The following HELLS variants were observed in gnomAD, a reference collection of about 807,000 sequenced individuals.
The protein encoded by HELLS is helicase, lymphoid specific.
A neutral mutation model predicts 120.0 loss-of-function variants in HELLS; 32 were observed. That is an observed-to-expected ratio of 0.27 (90% CI 0.20 to 0.36). The LOEUF (loss-of-function observed/expected upper bound fraction) is 0.36. Among genes scored for constraint, HELLS ranks in the 10% least tolerant of loss-of-function variants. HELLS has a pLI of 1.00. For missense variants in HELLS, 650 were observed against 993.4 expected (o/e 0.65, Z 4.65); for synonymous variants, 341 against 323.4 (o/e 1.05, Z -0.58).
chr10:94,571,694 C>A (rs1844176210), intron 7 of HELLS, among the ~76,000 whole-genome samples: 1 of 152,146 alleles, frequency 6.6e-6, no homozygotes, highest in Admixed American at 6.6e-5. Context: ...ACTTGTGAAT[C>A]TGGCAGTGAT....
Position 94,568,966 on chromosome 10 carries a change from C to T in HELLS, c.436-2422C>T, listed in dbSNP as rs112484851. Among the ~76,000 whole-genome samples the T allele has an allele frequency of 3.2e-3, 482 of 151,874 alleles. 2 individuals carry two copies. The highest frequency in any genetic ancestry group is 0.011 in the African/African-American group (464 of 41,424). ...AAGCGATTCTCCTGCCTCATCCTCCCGAGTAGCTGGGATTACAGGCATGTG... is the reference window on the plus strand; with the variant it reads ...AAGCGATTCTCCTGCCTCATCCTCCTGAGTAGCTGGGATTACAGGCATGTG... On this transcript the variant is annotated intron_variant, in intron 6 of 21. Coordinates refer to ENST00000348459, the MANE Select transcript of HELLS (RefSeq NM_018063.5).
chr10:94,578,673 C>A (rs2134068558), intron 10 of HELLS, among the ~76,000 whole-genome samples: 1 of 152,246 alleles, frequency 6.6e-6, no homozygotes, highest in East Asian at 1.9e-4. Context: ...GCTGGGCAAC[C>A]AAGTGAGACT....
intron 6 of HELLS, 21 bp from the exon 7 acceptor site, chr10:94,571,367 T>C (rs775930440): frequency 6.9e-7 from 1 of 1,451,470 alleles, no homozygotes; most frequent in South Asian, 1.2e-5. Flanking sequence ...TTAATTTGTT[T>C]TTGTTTTCTC....
chr10:94,554,644 G>GTTTTTTTTT (rs199878580), intron 3 of HELLS, among the ~76,000 whole-genome samples: 5 of 103,072 alleles, frequency 4.9e-5, no homozygotes, highest in Non-Finnish European at 6.0e-5. Flanking sequence ...AAGTAATAGT[G>GTTTTTTTTT]TTTTTTTTTT....
intron 10 of HELLS, among the ~76,000 whole-genome samples, chr10:94,580,909 T>C (rs946703224): frequency 6.6e-6 from 1 of 152,178 alleles, no homozygotes; most frequent in African/African-American, 2.4e-5. Flanking sequence ...TATAAATTGC[T>C]TAAATAAGGG....
At chr10:94,573,924 G>A (rs748576417) in intron 7 of HELLS, 36 bp from the exon 8 acceptor site, 3 of 1,225,622 alleles carry the variant, frequency 2.4e-6, no homozygotes, top group East Asian at 2.3e-5. Flanking sequence ...GCAGCATTTT[G>A]TATAACACAT....
chr10:94,612,370 A>T (rs1192047078), exon 10 of HELLS: 2 of 152,220 alleles, frequency 1.3e-5, no homozygotes, highest in South Asian at 2.1e-4. Context: ...CACTATCAAG[A>T]TGTGGTATTG....
chr10:94,572,179 G>A (rs1844210961), intron 7 of HELLS, among the ~76,000 whole-genome samples: 1 of 152,176 alleles, frequency 6.6e-6, no homozygotes, highest in Admixed American at 6.5e-5. Context: ...TAAAGATTTA[G>A]TTAGATAAAC....
At chr10:94,598,973 A>C (rs1323685152) in intron 21 of HELLS, among the ~76,000 whole-genome samples, 1 of 152,246 alleles carries the variant, frequency 6.6e-6, no homozygotes, top group Admixed American at 6.5e-5. Flanking sequence ...TTGATCATAA[A>C]TATAAGGATT....
At chr10:94,554,457 A>G (rs996119323) in intron 3 of HELLS, among the ~76,000 whole-genome samples, 2 of 152,202 alleles carry the variant, frequency 1.3e-5, no homozygotes, top group African/African-American at 4.8e-5. Flanking sequence ...TTGTGCTGAC[A>G]GTAATCCCCA....
In HELLS at chr10:94,592,249, A is replaced by G. The variant is rs1463983399; in HGVS notation, c.1788A>G (p.Thr596=). 6.2e-7 allele frequency: 1 copy of G among 1,611,282 alleles called. No homozygotes were observed. Among genetic ancestry groups the G allele is most frequent in the African/African-American group, 1.3e-5 (1 of 74,866 alleles). Residue 596 remains threonine, a synonymous_variant, in exon 16 of 22, where the codon ACA becomes ACG. Transcript: ENST00000348459. ...TTAAGATCGATGAAGAATTGGTAAC[A>G]AATTCTGGGAAGTTCTTGATTTTGG... ...QEFKIDEELV[T]NSGKFLILDR... is the part of the protein sequence containing the mutation.
At chr10:94,607,043 T>C (rs1056928200), downstream of HELLS, among the ~76,000 whole-genome samples, 4 of 152,238 alleles carry the variant, frequency 2.6e-5, no homozygotes, top group African/African-American at 7.2e-5. Flanking sequence ...GAGATTTTAC[T>C]GTTCAAAATG....
intron 12 of HELLS, among the ~76,000 whole-genome samples, chr10:94,584,762 T>C (rs1845038690): frequency 1.3e-5 from 2 of 152,148 alleles, no homozygotes; most frequent in African/African-American, 4.8e-5. Flanking sequence ...GGAATTGTTT[T>C]ACTATAGATA....
chr10:94,559,027 G>A (rs1843415385), intron 4 of HELLS, among the ~76,000 whole-genome samples: 3 of 152,078 alleles, frequency 2.0e-5, no homozygotes, highest in Admixed American at 1.3e-4. Flanking sequence ...TTGTGAATTC[G>A]CCTACTCACT....
chr10:94,566,937 G>C (rs1215888099), intron 6 of HELLS, among the ~76,000 whole-genome samples: 1 of 152,108 alleles, frequency 6.6e-6, no homozygotes, highest in Non-Finnish European at 1.5e-5. Flanking sequence ...TTACAGGTGT[G>C]AGCCACCATG....
chr10:94,574,490 A>C, intron 8 of HELLS, 64 bp from the exon 9 acceptor site: 1 of 1,224,224 alleles, frequency 8.2e-7, no homozygotes, highest in Non-Finnish European at 1.2e-6. Flanking sequence ...AGAAGAAATA[A>C]AATATTGTAA....
intron 12 of HELLS, chr10:94,584,185 TG>T: frequency 1.6e-6 from 1 of 629,810 alleles, no homozygotes; most frequent in Non-Finnish European, 2.3e-6. Flanking sequence ...TGAATTGAGA[TG>T]TTTATTGACT....
At chr10:94,604,358 C>T (rs1032305151), downstream of HELLS, among the ~76,000 whole-genome samples, 1 of 152,060 alleles carries the variant, frequency 6.6e-6, no homozygotes, top group Non-Finnish European at 1.5e-5. Context: ...CTCCTCACCT[C>T]AACTGATCAT....
Position 94,574,541 on chromosome 10 carries a change from T to C in HELLS, c.706-13T>C. On this transcript the variant is annotated splice_polypyrimidine_tract_variant and intron_variant, in intron 8 of 21. Transcript: ENST00000348459. The stretch of plus-strand genomic sequence containing the variant: ...TATCCAAGTTTAAATACAGTATCTA[T>C]TATTTTGTCCAGATGCTTTGGGAAA... 6.3e-7 allele frequency: 1 copy of C among 1,594,344 alleles called. No individual in the cohort carries two copies. The highest frequency in any genetic ancestry group is 8.6e-7 in the Non-Finnish European group (1 of 1,162,488).
Sources: gnomAD v4.1 joint callset for allele counts (sites outside exome capture counted in the v4.1 genomes callset) on GRCh38, gnomAD v4.1.1 for gene constraint, MANE v1.5 for transcripts, NCBI Gene and HGNC (gene_info 2026-07-23, HGNC 2026-07-21) for gene names.